AFF2: variants seen among roughly 807,000 people sequenced by gnomAD.
AFF2 encodes ALF transcription elongation factor 2, also known as AF4/FMR2 family member 2.
AFF2 carries 14 observed loss-of-function variants against 76.9 expected under a neutral mutation model. The observed-to-expected ratio is 0.18, with a 90% CI of 0.12 to 0.28. The LOEUF is 0.28. Among genes scored for constraint, AFF2 ranks in the 10% least tolerant of loss-of-function variants. The pLI, the probability that AFF2 is intolerant of heterozygous loss-of-function variation, is 1.00. For synonymous variants in AFF2, 398 were observed against 366.7 expected, an observed-to-expected ratio of 1.09 and a Z score of -0.98; for missense variants, 868 against 1,001.1, an observed-to-expected ratio of 0.87 and a Z score of 1.79.
chrX:148,932,650 T>C (rs2124298833), intron 9 of AFF2, among the ~76,000 whole-genome samples: 1 of 111,709 alleles, frequency 9.0e-6, no homozygotes, highest in East Asian at 2.8e-4. Context: ...ACTGTGAAGA[T>C]TGAGAACACT....
At chrX:148,885,651 A>G (rs782074414) in intron 7 of AFF2, among the ~76,000 whole-genome samples, 1 of 111,711 alleles carries the variant, frequency 9.0e-6, no homozygotes, top group South Asian at 3.8e-4. Flanking sequence ...AGATGCTGAA[A>G]TAGTATTTTC....
intron 1 of AFF2, among the ~76,000 whole-genome samples, chrX:148,527,609 G>A (rs1557235372): frequency 9.0e-6 from 1 of 111,612 alleles, no homozygotes; most frequent in Non-Finnish European, 1.9e-5. Flanking sequence ...GGGTTTACAG[G>A]TAGGGGGCTA....
intron 19 of AFF2, among the ~76,000 whole-genome samples, chrX:148,986,401 G>T (rs1468766506): frequency 3.6e-5 from 4 of 111,723 alleles, no homozygotes; most frequent in African/African-American, 1.3e-4. Context: ...CTAACCCTGG[G>T]CCCTGGAAGA....
chrX:148,793,377 A>G (rs1416818792), intron 3 of AFF2, among the ~76,000 whole-genome samples: 1 of 111,513 alleles, frequency 9.0e-6, no homozygotes, highest in African/African-American at 3.3e-5. Context: ...GCTTTTTTGG[A>G]CATCTTTTTG....
chrX:148,583,388 T>C (rs944171578), intron 1 of AFF2, among the ~76,000 whole-genome samples: 1 of 111,224 alleles, frequency 9.0e-6, no homozygotes, highest in Non-Finnish European at 1.9e-5. Context: ...ATAGGCTTTA[T>C]TTTTAAGAGC....
intron 1 of AFF2, among the ~76,000 whole-genome samples, chrX:148,626,102 G>A (rs1189451665): frequency 8.9e-6 from 1 of 111,992 alleles, no homozygotes; most frequent in Non-Finnish European, 1.9e-5. Flanking sequence ...GGTGCCAAGA[G>A]AGGCCCAGCA....
intron 3 of AFF2, among the ~76,000 whole-genome samples, chrX:148,734,832 G>A (rs2055266774): frequency 1.8e-5 from 2 of 111,628 alleles, no homozygotes; most frequent in African/African-American, 6.5e-5. Context: ...GTTTGAGTAT[G>A]TACGGAGACA....
chrX:148,661,719 T>C (rs1396815581), intron 2 of AFF2, among the ~76,000 whole-genome samples, 189 bp from the exon 3 acceptor site: 2 of 112,001 alleles, frequency 1.8e-5, no homozygotes, highest in African/African-American at 6.5e-5. Flanking sequence ...TTCCAGAAGC[T>C]TTTTCAATAG....
At chrX:148,920,076 C>T (rs1229715626) in intron 9 of AFF2, among the ~76,000 whole-genome samples, 1 of 112,235 alleles carries the variant, frequency 8.9e-6, no homozygotes, top group Non-Finnish European at 1.9e-5. Flanking sequence ...TGCACAAATT[C>T]TACAGTGTCC....
chrX:148,968,045 C>T (rs1288291862), intron 15 of AFF2, among the ~76,000 whole-genome samples: 3 of 111,422 alleles, frequency 2.7e-5, no homozygotes, highest in African/African-American at 6.5e-5. Context: ...AGCCAGAACT[C>T]GTGTGGGAAT....
chrX:148,748,941 A>G (rs782603100), intron 3 of AFF2, among the ~76,000 whole-genome samples: 3 of 111,922 alleles, frequency 2.7e-5, no homozygotes, highest in African/African-American at 9.7e-5. Context: ...GTTTTCTCAC[A>G]TACATTTTTA....
chrX:148,658,290 A>G (rs782322862), intron 2 of AFF2, among the ~76,000 whole-genome samples: 1 of 112,291 alleles, frequency 8.9e-6, no homozygotes, highest in East Asian at 2.8e-4. Flanking sequence ...TCCTTCAATC[A>G]GCAACTCAGA....
intron 1 of AFF2, among the ~76,000 whole-genome samples, chrX:148,546,572 G>A (rs5936393): frequency 0.28 from 31,674 of 111,542 alleles, 3,347 homozygotes; most frequent in African/African-American, 0.31. Flanking sequence ...TTGAGACCCA[G>A]TGTGTATCAT....
At chrX:148,525,021 T>C (rs1189356391) in intron 1 of AFF2, among the ~76,000 whole-genome samples, 2 of 112,506 alleles carry the variant, frequency 1.8e-5, no homozygotes, top group African/African-American at 6.5e-5. Flanking sequence ...GCAGTTGTAA[T>C]TGTAGCTTGT....
At chrX:148,879,578 T>C (rs1274791951) in intron 7 of AFF2, among the ~76,000 whole-genome samples, 1 of 111,737 alleles carries the variant, frequency 8.9e-6, no homozygotes, top group Admixed American at 9.5e-5. Context: ...AGATGATAAA[T>C]GTTTTAAGCC....
Position 148,694,438 on chromosome X carries a change from G to A in AFF2, c.1041+31670G>A, listed in dbSNP as rs114749910. 8.4e-4 allele frequency among the ~76,000 whole-genome samples: 94 copies of A among 112,204 alleles called. 1 individual carries two copies. Among genetic ancestry groups the A allele is most frequent in the African/African-American group, 3.0e-3 (92 of 30,882 alleles). The stretch of plus-strand genomic sequence containing the variant: ...TGGAGAGGACTCTCAACTCAAGGGT[G>A]TGGGACTATTGCATACAATTTAATG... On this transcript the variant is annotated intron_variant, in intron 3 of 20. Coordinates refer to ENST00000370460, the MANE Select transcript of AFF2 (RefSeq NM_002025.4).
chrX:148,565,595 G>T (rs2053160648), intron 1 of AFF2, among the ~76,000 whole-genome samples: 1 of 111,186 alleles, frequency 9.0e-6, no homozygotes. Flanking sequence ...ATCCTAAGGT[G>T]TTTAACAAAC....
At chrX:148,813,527 G>A (rs1192420079) in intron 4 of AFF2, among the ~76,000 whole-genome samples, 3 of 111,524 alleles carry the variant, frequency 2.7e-5, no homozygotes, top group Non-Finnish European at 5.7e-5. Context: ...TGCATGTCAG[G>A]CACAGTTCAT....
chrX:148,675,952 T>G (rs1198576821), intron 3 of AFF2, among the ~76,000 whole-genome samples: 1 of 111,255 alleles, frequency 9.0e-6, no homozygotes, highest in Non-Finnish European at 1.9e-5. Context: ...AGTGGTCTTA[T>G]TCAATACTGG....
Sources: allele counts gnomAD v4.1 joint callset (sites outside exome capture counted in the v4.1 genomes callset), GRCh38; gene constraint gnomAD v4.1.1; transcripts MANE v1.5; gene names NCBI Gene and HGNC (gene_info 2026-07-23, HGNC 2026-07-21).